Variants in VPS13D observed in about 807,000 individuals in gnomAD.
VPS13D encodes the protein vacuolar protein sorting 13 homolog D, also known as intermembrane lipid transfer protein VPS13D.
In VPS13D, 187 loss-of-function variants were observed where a neutral mutation model predicts 461.9. The ratio of observed to expected loss-of-function variants is 0.40; its 90% confidence interval spans 0.36 to 0.46. The LOEUF (loss-of-function observed/expected upper bound fraction) is 0.46, where lower values mean the gene tolerates loss of function less well. Ranked by LOEUF, VPS13D falls within the 20% of genes least tolerant of loss-of-function variation. The pLI is 0.60. For missense variants in VPS13D, 4,711 were observed against 5,364.9 expected (o/e 0.88, Z 3.81); for synonymous variants, 1,951 against 1,986.3 (o/e 0.98, Z 0.47).
At chr1:12,255,170 T>G (rs1440949633) in intron 7 of VPS13D, among the ~76,000 whole-genome samples, 11 of 152,218 alleles carry the variant, frequency 7.2e-5, no homozygotes, top group Admixed American at 7.2e-4. Flanking sequence ...GGTCTTGAAC[T>G]CCTGACCTCA....
chr1:12,231,718 G>T (rs1394897234), intron 1 of VPS13D, among the ~76,000 whole-genome samples: 1 of 152,236 alleles, frequency 6.6e-6, no homozygotes, highest in African/African-American at 2.4e-5. Flanking sequence ...GCCGGGCACG[G>T]TGGCTCACGC....
chr1:12,306,803 A>G (rs1642577920), intron 26 of VPS13D, among the ~76,000 whole-genome samples: 1 of 152,148 alleles, frequency 6.6e-6, no homozygotes. Flanking sequence ...TCCACCGCAG[A>G]TCATCAGGCA....
intron 60 of VPS13D, among the ~76,000 whole-genome samples, chr1:12,390,073 T>A (rs1410414047): frequency 6.6e-6 from 1 of 152,174 alleles, no homozygotes; most frequent in South Asian, 2.1e-4. Context: ...ATGGAATCAT[T>A]GTTTTGTCTC....
At chr1:12,434,465 C>A (rs1048666730) in intron 65 of VPS13D, among the ~76,000 whole-genome samples, 24 of 152,192 alleles carry the variant, frequency 1.6e-4, no homozygotes, top group African/African-American at 5.8e-4. Context: ...CCACAGCATG[C>A]ACTATCTTGA....
rs186371904 is a variant in VPS13D, at chr1:12,338,438, G to C, written c.8626+133G>C. The C allele has an allele frequency of 6.5e-4, 474 of 730,176 alleles. No homozygotes were observed. The African/African-American group carries it at 6.8e-3, about 10-fold the overall frequency. The allele number at this position is 730,176 out of a possible 1,614,324, so 45.2% of individuals were successfully genotyped here. ...TCGTGAGTACTTTAGTAATAGGAAA[G>C]AACATTTCCAACTGATGAACAGAGT... On this transcript the variant is annotated intron_variant, in intron 40 of 69. Coordinates refer to ENST00000620676, the MANE Select transcript of VPS13D (RefSeq NM_015378.4).
In VPS13D at chr1:12,295,754, C is replaced by T. The variant is rs116857559; in HGVS notation, c.6033+2050C>T. On this transcript the variant is annotated intron_variant, in intron 24 of 69. Transcript: ENST00000620676. ...AATAAGATGAACATCTGTGAACCCA[C>T]CTCTAACTAAAAATTAAAGCATCAG... 4.6e-5 allele frequency among the ~76,000 whole-genome samples: 7 copies of T among 152,292 alleles called. No individual in the cohort carries two copies. In the East Asian group the frequency reaches 1.4e-3, roughly 29 times the overall value.
chr1:12,400,958 G>GCGCGCGCA (rs1553120988), intron 61 of VPS13D, among the ~76,000 whole-genome samples: 1 of 80,438 alleles, frequency 1.2e-5, no homozygotes, highest in African/African-American at 4.9e-5. Context: ...GCACCTGCGC[G>GCGCGCGCA]CGCGCACACA....
chr1:12,338,130 T>A, intron 39 of VPS13D, 101 bp from the exon 40 acceptor site: 4 of 1,059,066 alleles, frequency 3.8e-6, no homozygotes, highest in Non-Finnish European at 5.8e-6. Flanking sequence ...ATGCTTGCTA[T>A]TTTTGTAATG....
intron 65 of VPS13D, among the ~76,000 whole-genome samples, chr1:12,438,365 T>C (rs1645088151): frequency 1.3e-5 from 2 of 152,128 alleles, no homozygotes; most frequent in Admixed American, 1.3e-4. Flanking sequence ...TCATCAGACA[T>C]TGAATCAGAC....
intron 57 of VPS13D, among the ~76,000 whole-genome samples, chr1:12,381,980 T>TTCTTTCTCTCTC (rs1318974573): frequency 1.5e-5 from 2 of 131,182 alleles, no homozygotes; most frequent in African/African-American, 2.9e-5. Context: ...CTTTCTTTCT[T>TTCTTTCTCTCTC]TCTCTCTCTC....
intron 67 of VPS13D, among the ~76,000 whole-genome samples, chr1:12,477,386 A>G (rs1232507653): frequency 6.6e-6 from 1 of 152,200 alleles, no homozygotes; most frequent in African/African-American, 2.4e-5. Context: ...TGGACCCACT[A>G]ATACACAACA....
chr1:12,253,641 T>C, intron 6 of VPS13D, 81 bp from the exon 7 acceptor site: 1 of 1,133,782 alleles, frequency 8.8e-7, no homozygotes, highest in Non-Finnish European at 1.3e-6. Flanking sequence ...CACATGATTC[T>C]TTACAAATGG....
intron 45 of VPS13D, 46 bp downstream of exon 45, chr1:12,349,019 C>A: frequency 6.2e-7 from 1 of 1,612,176 alleles, no homozygotes; most frequent in Non-Finnish European, 8.5e-7. Flanking sequence ...ATAAATACTT[C>A]TTGACTGTTG....
At chr1:12,401,002 AC>A (rs1446915414) in intron 61 of VPS13D, among the ~76,000 whole-genome samples, 6 of 151,188 alleles carry the variant, frequency 4.0e-5, no homozygotes, top group Non-Finnish European at 7.4e-5. Context: ...ACACACACAC[AC>A]AATAACCCTG....
intron 50 of VPS13D, among the ~76,000 whole-genome samples, chr1:12,361,586 G>A (rs1262574153): frequency 2.0e-5 from 3 of 150,484 alleles, no homozygotes; most frequent in Admixed American, 6.6e-5. Context: ...TAGTAGAGAC[G>A]GGGTTTCACC....
At position 12,497,525 on chromosome 1, in the gene VPS13D, C is replaced by G. The variant is rs1337781425; in HGVS notation, c.12688C>G (p.Pro4230Ala). Residue 4230 changes from proline (P) to alanine (A), a missense_variant, in exon 68 of 70, where the codon CCG becomes GCG. By Grantham distance (27) the Pro-to-Ala change is conservative. Coordinates refer to ENST00000620676, the MANE Select transcript of VPS13D (RefSeq NM_015378.4). ...PRTQAQRVRKPRCCTGPQGLL... is the reference protein window; with the variant it reads ...PRTQAQRVRKARCCTGPQGLL... Reference sequence around the variant, plus strand: ...GACTCAAGCACAGAGGGTTCGGAAACCGCGTTGCTGCACGGGGCCCCAGGG... The same window carrying G: ...GACTCAAGCACAGAGGGTTCGGAAAGCGCGTTGCTGCACGGGGCCCCAGGG... 1 of 1,614,100 alleles carries G rather than the reference C, an allele frequency of 6.2e-7. No homozygotes were observed. Among genetic ancestry groups the G allele is most frequent in the South Asian group, 1.1e-5 (1 of 91,072 alleles).
intron 67 of VPS13D, among the ~76,000 whole-genome samples, chr1:12,461,621 G>A (rs531663824): frequency 6.6e-6 from 1 of 152,270 alleles, no homozygotes; most frequent in South Asian, 2.1e-4. Flanking sequence ...ATCTCTGCTC[G>A]AAGCCCAAGA....
chr1:12,307,126 C>A (rs1474223632), intron 26 of VPS13D, among the ~76,000 whole-genome samples: 1 of 152,162 alleles, frequency 6.6e-6, no homozygotes, highest in Admixed American at 6.5e-5. Flanking sequence ...TCAGTGCCCA[C>A]GTAATGCCAG....
intron 34 of VPS13D, among the ~76,000 whole-genome samples, chr1:12,323,464 T>TC (rs35582380): frequency 6.7e-5 from 10 of 149,944 alleles, no homozygotes; most frequent in East Asian, 2.0e-4. Context: ...AAATAGACCT[T>TC]CCCCCCCCAC....
Sources: gnomAD v4.1 joint callset for allele counts (sites outside exome capture counted in the v4.1 genomes callset) on GRCh38, gnomAD v4.1.1 for gene constraint, MANE v1.5 for transcripts, NCBI Gene and HGNC (gene_info 2026-07-23, HGNC 2026-07-21) for gene names.